ADAMTSL1: variants seen among roughly 807,000 people sequenced by gnomAD.
ADAMTSL1 encodes ADAMTS-like protein 1.
A neutral mutation model predicts 201.8 loss-of-function variants in ADAMTSL1; 126 were observed. The observed-to-expected ratio is 0.62, with a 90% CI of 0.54 to 0.72. ADAMTSL1 has a LOEUF of 0.72. Among genes scored for constraint, ADAMTSL1 ranks in the 30% least tolerant of loss-of-function variants. The pLI is 0.00. For synonymous variants in ADAMTSL1, 1,121 were observed against 903.4 expected (o/e 1.24, Z -4.32); for missense variants, 2,679 against 2,277.8 (o/e 1.18, Z -3.59).
rs536930039 is a variant in ADAMTSL1 at position 18,647,967 on chromosome 9, G to A, written c.834+8556G>A. 6.6e-4 allele frequency among the ~76,000 whole-genome samples: 99 copies of A among 149,992 alleles called. 1 individual carries two copies. Among genetic ancestry groups the A allele is most frequent in the African/African-American group, 2.0e-3 (84 of 41,004 alleles). On this transcript the variant is annotated intron_variant, in intron 7 of 28. Transcript: ENST00000380548. ...TTTTGACTTTCTGTCTTGTTGATCC[G>A]TCTAATGTTGACAGTGGGGTGTTAA...
chr9:18,190,144 A>G (rs761303119), intron 2 of ADAMTSL1, among the ~76,000 whole-genome samples: 4 of 152,206 alleles, frequency 2.6e-5, no homozygotes, highest in Non-Finnish European at 4.4e-5. Context: ...ATTCAGGGGA[A>G]TGAAGTGTAG....
chr9:18,004,881 A>C (rs1819751540), intron 1 of ADAMTSL1, among the ~76,000 whole-genome samples: 1 of 152,102 alleles, frequency 6.6e-6, no homozygotes, highest in African/African-American at 2.4e-5. Context: ...AAGACGTACC[A>C]AATGTAACTG....
intron 15 of ADAMTSL1, among the ~76,000 whole-genome samples, chr9:18,735,796 G>C (rs1163487614): frequency 2.1e-5 from 3 of 141,886 alleles, no homozygotes; most frequent in Admixed American, 1.5e-4. Flanking sequence ...TGTCGTCCAG[G>C]CTGGAATGCA....
At chr9:18,688,597 G>C (rs1830989578) in intron 13 of ADAMTSL1, among the ~76,000 whole-genome samples, 2 of 142,614 alleles carry the variant, frequency 1.4e-5, no homozygotes, top group African/African-American at 5.2e-5. Context: ...GAGCCTGGGA[G>C]GCGGAGGCTG....
At chr9:18,849,742 A>G (rs890701299) in intron 23 of ADAMTSL1, among the ~76,000 whole-genome samples, 3 of 152,190 alleles carry the variant, frequency 2.0e-5, no homozygotes, top group African/African-American at 7.2e-5. Flanking sequence ...TCACAAGGAA[A>G]ATGCTTTTGA....
intron 2 of ADAMTSL1, among the ~76,000 whole-genome samples, chr9:18,335,501 A>G (rs1173857366): frequency 6.6e-6 from 1 of 152,070 alleles, no homozygotes; most frequent in Non-Finnish European, 1.5e-5. Flanking sequence ...ATCTCTACAG[A>G]AGTATTGTGT....
At chr9:18,159,380 T>A (rs906196752) in intron 1 of ADAMTSL1, among the ~76,000 whole-genome samples, 8 of 151,982 alleles carry the variant, frequency 5.3e-5, no homozygotes, top group African/African-American at 1.9e-4. Context: ...AGAAGAACAA[T>A]AAACTGATCA....
At chr9:18,144,837 C>G (rs988793838) in intron 1 of ADAMTSL1, among the ~76,000 whole-genome samples, 2 of 152,160 alleles carry the variant, frequency 1.3e-5, no homozygotes, top group South Asian at 2.1e-4. Context: ...GATACCTGGC[C>G]GAGGATAACA....
chr9:18,904,587 T>C (rs1588357843), intron 26 of ADAMTSL1, among the ~76,000 whole-genome samples: 1 of 127,166 alleles, frequency 7.9e-6, no homozygotes, highest in Non-Finnish European at 1.5e-5. Context: ...TGAGCTGAGA[T>C]TGTGCCACTG....
At chr9:18,635,408 T>A (rs1456251791) in intron 5 of ADAMTSL1, among the ~76,000 whole-genome samples, 1 of 152,018 alleles carries the variant, frequency 6.6e-6, no homozygotes, top group Non-Finnish European at 1.5e-5. Context: ...ACTTATGGGG[T>A]GCTCACTACA....
At chr9:18,530,341 A>G (rs10963625) in intron 2 of ADAMTSL1, among the ~76,000 whole-genome samples, 21,903 of 152,140 alleles carry the variant, frequency 0.14, 1,966 homozygotes, top group South Asian at 0.23. Context: ...AGGTTAGGTA[A>G]AAAATTTTTA....
At chr9:18,021,673 A>G (rs141656747) in intron 1 of ADAMTSL1, among the ~76,000 whole-genome samples, 53 of 152,276 alleles carry the variant, frequency 3.5e-4, no homozygotes, top group African/African-American at 1.2e-3. Context: ...TGCTCAGATG[A>G]TTGTATTTAA....
intron 6 of ADAMTSL1, among the ~76,000 whole-genome samples, chr9:18,637,423 G>A (rs1006556145): frequency 2.6e-5 from 4 of 152,118 alleles, no homozygotes; most frequent in African/African-American, 9.7e-5. Flanking sequence ...CCAAGTGGGG[G>A]ACTGACTCTT....
intron 2 of ADAMTSL1, among the ~76,000 whole-genome samples, chr9:18,322,209 G>A (rs1834651193): frequency 6.6e-6 from 1 of 151,552 alleles, no homozygotes. Flanking sequence ...TTTTAAAAGA[G>A]GAAGAATACA....
chr9:18,280,311 C>G (rs1281522116), intron 2 of ADAMTSL1, among the ~76,000 whole-genome samples: 1 of 151,820 alleles, frequency 6.6e-6, no homozygotes, highest in African/African-American at 2.4e-5. Flanking sequence ...TGATGCTGAC[C>G]TGGAACCTAG....
chr9:18,773,680 C>T (rs1288632476), intron 17 of ADAMTSL1, among the ~76,000 whole-genome samples: 1 of 152,220 alleles, frequency 6.6e-6, no homozygotes, highest in Non-Finnish European at 1.5e-5. Flanking sequence ...CCTGCTCTAG[C>T]TTAGCTTCCT....
chr9:18,776,338 T>G (rs1376628993), intron 18 of ADAMTSL1, among the ~76,000 whole-genome samples: 1 of 152,200 alleles, frequency 6.6e-6, no homozygotes, highest in Non-Finnish European at 1.5e-5. Context: ...AGGCAAACAT[T>G]TAGCGGAAGA....
At chr9:18,309,558 C>T (rs568253351) in intron 2 of ADAMTSL1, among the ~76,000 whole-genome samples, 54 of 151,994 alleles carry the variant, frequency 3.6e-4, no homozygotes, top group African/African-American at 1.3e-3. Context: ...AAACAGAGAG[C>T]CAAATCATGA....
chr9:18,294,331 G>A (rs916552741), intron 2 of ADAMTSL1, among the ~76,000 whole-genome samples: 6 of 152,196 alleles, frequency 3.9e-5, no homozygotes, highest in Admixed American at 3.3e-4. Context: ...GTTCTTCCTT[G>A]AATTGCTTTT....
Sources: gnomAD v4.1 joint callset for allele counts (sites outside exome capture counted in the v4.1 genomes callset) on GRCh38, gnomAD v4.1.1 for gene constraint, MANE v1.5 for transcripts, NCBI Gene and HGNC (gene_info 2026-07-23, HGNC 2026-07-21) for gene names.